The following ARHGEF18 variants were observed in gnomAD, a reference collection of about 807,000 sequenced individuals.
The protein encoded by ARHGEF18 is Rho/Rac guanine nucleotide exchange factor 18.
Under a neutral mutation model 155.7 loss-of-function variants are expected in ARHGEF18, and 93 were observed. The ratio of observed to expected loss-of-function variants is 0.60; its 90% confidence interval spans 0.50 to 0.71. The LOEUF (loss-of-function observed/expected upper bound fraction) is 0.71, where lower values mean the gene tolerates loss of function less well. Ranked by LOEUF, ARHGEF18 falls within the 30% of genes least tolerant of loss-of-function variation. The pLI, the probability that ARHGEF18 is intolerant of heterozygous loss-of-function variation, is 0.00. For synonymous variants in ARHGEF18, 742 were observed against 753.1 expected (o/e 0.99, Z 0.24); for missense variants, 1,593 against 1,816.1 (o/e 0.88, Z 2.23).
chr19:7,397,880 T>C (rs906494029), intron 10 of ARHGEF18, among the ~76,000 whole-genome samples: 3 of 152,102 alleles, frequency 2.0e-5, no homozygotes, highest in African/African-American at 7.2e-5. Flanking sequence ...TTTTTGTTTT[T>C]GTTTTTTTAA....
At chr19:7,425,313 C>T (rs922352671) in intron 10 of ARHGEF18, among the ~76,000 whole-genome samples, 13 of 152,028 alleles carry the variant, frequency 8.6e-5, no homozygotes, top group African/African-American at 1.9e-4. Flanking sequence ...TAGAGAAATG[C>T]GTTCTACATC....
intron 27 of ARHGEF18, 148 bp downstream of exon 27, chr19:7,469,279 A>G: frequency 9.4e-7 from 1 of 1,059,570 alleles, no homozygotes; most frequent in Admixed American, 2.8e-5. Flanking sequence ...GGCTGAGGCC[A>G]CCCCACACAG....
intron 20 of ARHGEF18, among the ~76,000 whole-genome samples, chr19:7,461,420 C>T (rs1241972368): frequency 1.3e-5 from 2 of 151,982 alleles, no homozygotes; most frequent in Non-Finnish European, 2.9e-5. Flanking sequence ...CATGGTGGTG[C>T]GTGCCTATAG....
chr19:7,385,870 T>TCTCTCTCTCTCTCTCTCTCTCTCTCC lies in ARHGEF18; in HGVS notation c.967+2668_967+2669insTCTCTCTCTCTCTCTCTCTCTCTCCC, dbSNP rs1555704468. ...CTCTCTCTCTCTCTCTCTCTCTCTC[T>TCTCTCTCTCTCTCTCTCTCTCTCTCC]CCCCCCTCCCTCTCTCCCTCCCTCC... On this transcript the variant is annotated intron_variant, in intron 10 of 28. Transcript: ENST00000668164. Among the ~76,000 whole-genome samples, 8 of 29,566 alleles carry TCTCTCTCTCTCTCTCTCTCTCTCTCC rather than the reference T, an allele frequency of 2.7e-4. 1 individual carries two copies. The highest frequency in any genetic ancestry group is 1.5e-3 in the African/African-American group (8 of 5,294). The allele number at this position is 29,566 out of a possible 152,430, so 19.4% of individuals were successfully genotyped here. A position where few individuals can be genotyped will look rare whatever the true frequency, so the allele number is the denominator to read the frequency against.
chr19:7,393,514 G>A (rs750414873), intron 10 of ARHGEF18, among the ~76,000 whole-genome samples: 43 of 152,250 alleles, frequency 2.8e-4, no homozygotes, highest in Non-Finnish European at 5.4e-4. Flanking sequence ...TGGCCATGGG[G>A]AGATCTTCTA....
At chr19:7,456,928 G>T (rs1290277995) in intron 18 of ARHGEF18, among the ~76,000 whole-genome samples, 4 of 151,986 alleles carry the variant, frequency 2.6e-5, no homozygotes, top group Non-Finnish European at 5.9e-5. Context: ...TAGAGACGGG[G>T]TTTCACCATG....
At chr19:7,460,137 G>T (rs1442074189) in intron 20 of ARHGEF18, 143 bp downstream of exon 20, 1 of 783,988 alleles carries the variant, frequency 1.3e-6, no homozygotes, top group African/African-American at 1.8e-5. Flanking sequence ...GCTCTGTGAA[G>T]CATTAGAACG....
chr19:7,360,564 G>C (rs1381297179), intron 1 of ARHGEF18, among the ~76,000 whole-genome samples: 1 of 152,116 alleles, frequency 6.6e-6, no homozygotes, highest in African/African-American at 2.4e-5. Context: ...TTGATCTTTG[G>C]ATCCCAGACC....
intron 18 of ARHGEF18, among the ~76,000 whole-genome samples, chr19:7,456,989 G>T (rs77917663): frequency 0.027 from 4,046 of 152,152 alleles, 182 homozygotes; most frequent in East Asian, 0.14. Context: ...TCCCGCCTTG[G>T]CCTCCCAAAG....
intron 10 of ARHGEF18, among the ~76,000 whole-genome samples, chr19:7,435,095 G>A (rs545808499): frequency 2.0e-5 from 3 of 152,136 alleles, no homozygotes; most frequent in East Asian, 1.9e-4. Context: ...CCAGCTACTC[G>A]GGAGGCTGAG....
chr19:7,433,917 G>A (rs574012995), intron 10 of ARHGEF18, among the ~76,000 whole-genome samples: 4 of 151,614 alleles, frequency 2.6e-5, no homozygotes, highest in East Asian at 3.9e-4. Flanking sequence ...TACTCGAGGG[G>A]CTGAGGCAGG....
intron 10 of ARHGEF18, among the ~76,000 whole-genome samples, chr19:7,418,936 C>T (rs1350424058): frequency 1.3e-5 from 2 of 151,876 alleles, no homozygotes; most frequent in East Asian, 1.9e-4. Context: ...ATGGAAGGGC[C>T]TCTCCCTTCA....
chr19:7,375,299 A>G (rs985856147), intron 3 of ARHGEF18, among the ~76,000 whole-genome samples: 4 of 147,856 alleles, frequency 2.7e-5, no homozygotes, highest in Non-Finnish European at 6.0e-5. Flanking sequence ...GAAAAGAAAG[A>G]AAGAAAAGAA....
chr19:7,371,191 C>T (rs73499031), intron 2 of ARHGEF18, among the ~76,000 whole-genome samples: 2,574 of 152,192 alleles, frequency 0.017, 78 homozygotes, highest in African/African-American at 0.058. Flanking sequence ...TGAGCCACCA[C>T]GCCAGGCCTG....
chr19:7,452,320 G>T (rs1011568863), intron 16 of ARHGEF18, among the ~76,000 whole-genome samples: 1 of 152,228 alleles, frequency 6.6e-6, no homozygotes, highest in African/African-American at 2.4e-5. Flanking sequence ...AGCCAGGGCC[G>T]TGCTGACCAC....
intron 10 of ARHGEF18, among the ~76,000 whole-genome samples, chr19:7,406,006 T>C (rs542863240): frequency 6.6e-6 from 1 of 152,274 alleles, no homozygotes; most frequent in East Asian, 1.9e-4. Flanking sequence ...GAAGTAAATG[T>C]AGAAGGTCTC....
At chr19:7,437,426 A>G (rs1974331324) in intron 10 of ARHGEF18, among the ~76,000 whole-genome samples, 1 of 149,528 alleles carries the variant, frequency 6.7e-6, no homozygotes, top group African/African-American at 2.5e-5. Context: ...CCGTCTCAAA[A>G]AAAAAAAAAA....
At chr19:7,477,477 C>G, downstream of ARHGEF18, 3 of 1,363,158 alleles carry the variant, frequency 2.2e-6, no homozygotes, top group Non-Finnish European at 2.8e-6. Context: ...ACGCTCACAC[C>G]TGCCTGCCCT....
chr19:7,443,625 A>G (rs1027027701), intron 13 of ARHGEF18, among the ~76,000 whole-genome samples: 1 of 152,162 alleles, frequency 6.6e-6, no homozygotes, highest in African/African-American at 2.4e-5. Context: ...CGACATACGA[A>G]TTTTGGGGGA....
Sources: allele counts gnomAD v4.1 joint callset (sites outside exome capture counted in the v4.1 genomes callset), GRCh38; gene constraint gnomAD v4.1.1; transcripts MANE v1.5; gene names NCBI Gene and HGNC (gene_info 2026-07-23, HGNC 2026-07-21).